Variants in RPSA2 observed in about 807,000 individuals in gnomAD.
The protein encoded by RPSA2 is ribosomal protein SA 2, also known as small ribosomal subunit protein uS2B.
chr19:23,835,586 C>T, the RPSA2 span, among the ~76,000 whole-genome samples: 2 of 149,456 alleles, frequency 1.3e-5, no homozygotes, highest in Admixed American at 6.8e-5. Context: ...ATGCTAGTCC[C>T]GTAATATTCT....
At chr19:23,830,985 C>T in the RPSA2 span, among the ~76,000 whole-genome samples, 150 of 152,142 alleles carry the variant, frequency 9.9e-4, no homozygotes, top group African/African-American at 3.2e-3. Flanking sequence ...TATGTGCTGT[C>T]TGAAATTTTG....
the RPSA2 span, chr19:23,818,006 CCA>C: frequency 1.4e-4 from 22 of 152,082 alleles, no homozygotes; most frequent in Admixed American, 1.4e-3. Context: ...ATTGTTTTTC[CCA>C]TCATTGCTCT....
the RPSA2 span, among the ~76,000 whole-genome samples, chr19:23,788,385 C>A: frequency 6.6e-6 from 1 of 152,156 alleles, no homozygotes; most frequent in African/African-American, 2.4e-5. Flanking sequence ...CTGGATGCAG[C>A]ATTTAGGTGA....
chr19:23,828,842 T>G, the RPSA2 span, among the ~76,000 whole-genome samples: 3 of 151,928 alleles, frequency 2.0e-5, no homozygotes, highest in African/African-American at 4.8e-5. Flanking sequence ...ACAAAAAGTG[T>G]GGTATTAAAA....
At chr19:23,848,603 G>T in the RPSA2 span, among the ~76,000 whole-genome samples, 1 of 152,170 alleles carries the variant, frequency 6.6e-6, no homozygotes, top group East Asian at 1.9e-4. Context: ...CTACTGAGAA[G>T]GTGTCCTTTG....
At chr19:23,768,814 C>T in the RPSA2 span, among the ~76,000 whole-genome samples, 1 of 150,800 alleles carries the variant, frequency 6.6e-6, no homozygotes. Context: ...TCTCAAACTC[C>T]TGACCTCAGC....
chr19:23,829,764 A>G, the RPSA2 span, among the ~76,000 whole-genome samples: 1 of 152,180 alleles, frequency 6.6e-6, no homozygotes. Flanking sequence ...TGCTAATTAT[A>G]TCTTATGTTG....
chr19:23,766,648 G>T, the RPSA2 span, among the ~76,000 whole-genome samples: 2 of 151,620 alleles, frequency 1.3e-5, no homozygotes, highest in Admixed American at 6.6e-5. Context: ...TAGAGACAGG[G>T]TTTCACCGTG....
chr19:23,779,590 G>A, the RPSA2 span, among the ~76,000 whole-genome samples: 1 of 152,322 alleles, frequency 6.6e-6, no homozygotes, highest in Admixed American at 6.5e-5. Flanking sequence ...AGGAAAGATT[G>A]TGACTTATTA....
chr19:23,806,047 C>CTTTTT, the RPSA2 span, among the ~76,000 whole-genome samples: 121 of 126,376 alleles, frequency 9.6e-4, 4 homozygotes, highest in Middle Eastern at 4.6e-3. Context: ...TTCTTTCTTT[C>CTTTTT]TTTTTTTTTT....
the RPSA2 span, among the ~76,000 whole-genome samples, chr19:23,848,598 G>A: frequency 1.3e-5 from 2 of 152,174 alleles, no homozygotes; most frequent in Non-Finnish European, 2.9e-5. Context: ...CTTCCCTACT[G>A]AGAAGGTGTC....
chr19:23,799,476 C>T, the RPSA2 span: 1 of 152,278 alleles, frequency 6.6e-6, no homozygotes, highest in African/African-American at 2.4e-5. Flanking sequence ...TCTCTTCCTG[C>T]AGCTCAGGCT....
the RPSA2 span, among the ~76,000 whole-genome samples, chr19:23,794,622 A>G: frequency 1.1e-3 from 120 of 106,712 alleles, no homozygotes; most frequent in African/African-American, 3.6e-3. Flanking sequence ...AATATTTCCT[A>G]TTATTCTGTG....
At chr19:23,868,997 G>GA in the RPSA2 span, among the ~76,000 whole-genome samples, 5 of 152,128 alleles carry the variant, frequency 3.3e-5, no homozygotes, top group Admixed American at 6.5e-5. Context: ...GTCAAGGCCA[G>GA]AAAAAACCCC....
chr19:23,760,670 T>TATATATA, the RPSA2 span, among the ~76,000 whole-genome samples: 5 of 73,306 alleles, frequency 6.8e-5, no homozygotes, highest in African/African-American at 2.5e-4. Flanking sequence ...TATATATATA[T>TATATATA]TTTTTTTTTT....
chr19:23,759,457 C>T, the RPSA2 span, among the ~76,000 whole-genome samples: 1 of 151,532 alleles, frequency 6.6e-6, no homozygotes, highest in African/African-American at 2.4e-5. Flanking sequence ...CAAGGAAGCC[C>T]ATGAAGCACA....
chr19:23,844,222 T>C, the RPSA2 span, among the ~76,000 whole-genome samples: 1 of 152,200 alleles, frequency 6.6e-6, no homozygotes, highest in African/African-American at 2.4e-5. Context: ...CTTCAGTGTT[T>C]TGACTATTTT....
At chr19:23,761,901 A>ATCCCTTCCTTCCTTCCTTCC in the RPSA2 span, among the ~76,000 whole-genome samples, 8 of 34,028 alleles carry the variant, frequency 2.4e-4, no homozygotes, top group African/African-American at 5.7e-4. Flanking sequence ...GGGTAACGTA[A>ATCCCTTCCTTCCTTCCTTCC]TTCTTTCTTT....
the RPSA2 span, among the ~76,000 whole-genome samples, chr19:23,809,909 G>T: frequency 1.3e-5 from 2 of 152,148 alleles, no homozygotes; most frequent in African/African-American, 4.8e-5. Flanking sequence ...TTGCAATGGG[G>T]TCTGTAAATT....
Sources: gnomAD v4.1 joint callset for allele counts (sites outside exome capture counted in the v4.1 genomes callset) on GRCh38, gnomAD v4.1.1 for gene constraint, MANE v1.5 for transcripts, NCBI Gene and HGNC (gene_info 2026-07-23, HGNC 2026-07-21) for gene names.